The following PCSK2 variants were observed in gnomAD, a reference collection of about 807,000 sequenced individuals.
PCSK2 encodes the protein proprotein convertase subtilisin/kexin type 2, also known as neuroendocrine convertase 2.
In PCSK2, 14 loss-of-function variants were observed where a neutral mutation model predicts 69.7. The observed-to-expected ratio is 0.20, with a 90% confidence interval of 0.13 to 0.31. The LOEUF is 0.31. Ranked by LOEUF, PCSK2 falls within the 10% of genes least tolerant of loss-of-function variation. PCSK2 has a pLI of 1.00. For missense variants in PCSK2, 544 were observed against 842.5 expected (o/e 0.65, Z 4.39); for synonymous variants, 307 against 320.7 (o/e 0.96, Z 0.46).
At chr20:17,382,458 T>C (rs1471888941) in intron 5 of PCSK2, among the ~76,000 whole-genome samples, 1 of 152,184 alleles carries the variant, frequency 6.6e-6, no homozygotes, top group Non-Finnish European at 1.5e-5. Flanking sequence ...TCATTTAACC[T>C]GGCCCCCTCC....
intron 2 of PCSK2, among the ~76,000 whole-genome samples, chr20:17,279,741 C>A (rs918094376): frequency 6.7e-6 from 1 of 148,546 alleles, no homozygotes; most frequent in Non-Finnish European, 1.5e-5. Flanking sequence ...GAGCCGAGAT[C>A]GCGCCACTGC....
At chr20:17,359,625 C>T (rs748000668) in intron 3 of PCSK2, among the ~76,000 whole-genome samples, 6 of 152,154 alleles carry the variant, frequency 3.9e-5, no homozygotes, top group South Asian at 2.1e-4. Flanking sequence ...ATCAGTCATC[C>T]GCCATTCTAA....
intron 2 of PCSK2, among the ~76,000 whole-genome samples, chr20:17,271,199 A>G (rs1331911962): frequency 6.6e-6 from 1 of 152,016 alleles, no homozygotes; most frequent in Non-Finnish European, 1.5e-5. Context: ...CACAATTTCA[A>G]ATCCTGTACT....
chr20:17,255,776 G>C (rs962148779), intron 1 of PCSK2, among the ~76,000 whole-genome samples: 5 of 152,152 alleles, frequency 3.3e-5, no homozygotes, highest in Non-Finnish European at 7.3e-5. Flanking sequence ...TTGATTTTCA[G>C]ATGTTAAAAC....
chr20:17,331,312 T>C (rs533066297), intron 2 of PCSK2, among the ~76,000 whole-genome samples: 2 of 152,270 alleles, frequency 1.3e-5, no homozygotes, highest in South Asian at 4.2e-4. Flanking sequence ...CCCGTACAGT[T>C]TACACTTTCA....
intron 2 of PCSK2, 125 bp downstream of exon 2, chr20:17,260,469 T>A: frequency 1.5e-6 from 1 of 668,040 alleles, no homozygotes; most frequent in Non-Finnish European, 2.7e-6. Context: ...ATAGGGCAAA[T>A]GAATGCTTTG....
intron 4 of PCSK2, among the ~76,000 whole-genome samples, chr20:17,368,006 C>T (rs1402013913): frequency 1.3e-5 from 2 of 152,046 alleles, no homozygotes; most frequent in African/African-American, 4.8e-5. Context: ...TCAAAATCAA[C>T]AGTGAAACCT....
At chr20:17,358,853 G>A (rs185489314) in intron 3 of PCSK2, among the ~76,000 whole-genome samples, 107 of 152,338 alleles carry the variant, frequency 7.0e-4, no homozygotes, top group Middle Eastern at 6.8e-3. Context: ...CAATGACTTT[G>A]CAAGGGGCTA....
chr20:17,421,555 G>A (rs1363719116), intron 6 of PCSK2, among the ~76,000 whole-genome samples: 1 of 152,122 alleles, frequency 6.6e-6, no homozygotes, highest in African/African-American at 2.4e-5. Flanking sequence ...AAAGACTGCA[G>A]CTGGCCACCA....
At chr20:17,469,395 C>A (rs2123408050) in intron 11 of PCSK2, among the ~76,000 whole-genome samples, 1 of 152,326 alleles carries the variant, frequency 6.6e-6, no homozygotes, top group South Asian at 2.1e-4. Context: ...TAACAACAAA[C>A]TGGTCCCATG....
chr20:17,480,896 G>A (rs893433281), intron 11 of PCSK2, among the ~76,000 whole-genome samples: 1 of 152,210 alleles, frequency 6.6e-6, no homozygotes, highest in Admixed American at 6.5e-5. Context: ...CACGCAGGCT[G>A]TGCAGGCTTC....
At chr20:17,348,567 G>A (rs2029882704) in intron 2 of PCSK2, among the ~76,000 whole-genome samples, 1 of 152,148 alleles carries the variant, frequency 6.6e-6, no homozygotes, top group African/African-American at 2.4e-5. Flanking sequence ...GTGTCAGTTT[G>A]CGAAGGCTCT....
intron 2 of PCSK2, among the ~76,000 whole-genome samples, chr20:17,303,564 A>G (rs553397191): frequency 3.4e-5 from 4 of 116,468 alleles, no homozygotes; most frequent in African/African-American, 1.4e-4. Flanking sequence ...TATATATTAT[A>G]TAATATATTA....
chr20:17,309,975 G>T (rs1036623692), intron 2 of PCSK2, among the ~76,000 whole-genome samples: 2 of 152,080 alleles, frequency 1.3e-5, no homozygotes, highest in African/African-American at 4.8e-5. Context: ...TTTGCAGGCT[G>T]TACAGGAAGC....
chr20:17,446,025 G>T (rs1255362796), intron 8 of PCSK2, among the ~76,000 whole-genome samples: 2 of 152,172 alleles, frequency 1.3e-5, no homozygotes, highest in Admixed American at 1.3e-4. Flanking sequence ...CAAGACAGTT[G>T]GTCACCCACC....
intron 5 of PCSK2, among the ~76,000 whole-genome samples, chr20:17,398,190 G>A (rs958018047): frequency 3.0e-4 from 45 of 152,166 alleles, no homozygotes; most frequent in African/African-American, 1.0e-3. Context: ...AAGGAAAAGC[G>A]GGGAATCAAA....
At chr20:17,344,842 A>G (rs538897870) in intron 2 of PCSK2, among the ~76,000 whole-genome samples, 12 of 152,160 alleles carry the variant, frequency 7.9e-5, no homozygotes, top group Non-Finnish European at 1.5e-4. Flanking sequence ...ATGGTGCCCA[A>G]CCTAAGCCCT....
chr20:17,477,070 A>AGG (rs1600611718), intron 11 of PCSK2, among the ~76,000 whole-genome samples: 2 of 152,338 alleles, frequency 1.3e-5, no homozygotes, highest in East Asian at 3.9e-4. Context: ...TCCTCCAGAG[A>AGG]GTATTAATGA....
intron 6 of PCSK2, among the ~76,000 whole-genome samples, chr20:17,420,262 A>T (rs2123322216): frequency 1.3e-5 from 2 of 152,318 alleles, no homozygotes; most frequent in South Asian, 4.2e-4. Context: ...TACCCTGGTG[A>T]TACTTAATGG....
Sources: gnomAD v4.1 joint callset for allele counts (sites outside exome capture counted in the v4.1 genomes callset) on GRCh38, gnomAD v4.1.1 for gene constraint, MANE v1.5 for transcripts, NCBI Gene and HGNC (gene_info 2026-07-23, HGNC 2026-07-21) for gene names.